KCND3: variants seen among roughly 807,000 people sequenced by gnomAD.
KCND3 encodes the protein potassium voltage-gated channel subfamily D member 3.
Under a neutral mutation model 51.1 loss-of-function variants are expected in KCND3, and 9 were observed. The ratio of observed to expected loss-of-function variants is 0.18; its 90% CI spans 0.11 to 0.31. The LOEUF is 0.31. KCND3 is among the 10% of genes least tolerant of loss of function. The pLI, the probability that KCND3 is intolerant of heterozygous loss-of-function variation, is 1.00. For synonymous variants in KCND3, 349 were observed against 368.0 expected (o/e 0.95, Z 0.59); for missense variants, 526 against 903.8 (o/e 0.58, Z 5.36).
At chr1:111,947,144 T>C (rs1366410647) in intron 2 of KCND3, among the ~76,000 whole-genome samples, 3 of 152,206 alleles carry the variant, frequency 2.0e-5, no homozygotes, top group African/African-American at 7.2e-5. Flanking sequence ...ACTGGTACCA[T>C]TTTATTAATT....
intron 2 of KCND3, among the ~76,000 whole-genome samples, chr1:111,957,987 C>G (rs1673424127): frequency 6.6e-6 from 1 of 152,100 alleles, no homozygotes. Context: ...TGGGGAGATC[C>G]TGGGCAGAGC....
At chr1:111,877,514 C>T (rs1341098368) in intron 2 of KCND3, among the ~76,000 whole-genome samples, 1 of 152,096 alleles carries the variant, frequency 6.6e-6, no homozygotes, top group East Asian at 1.9e-4. Flanking sequence ...GAGGAAGGCC[C>T]AGGAGAGACT....
At chr1:111,842,967 T>C (rs890149052) in intron 2 of KCND3, among the ~76,000 whole-genome samples, 3 of 152,222 alleles carry the variant, frequency 2.0e-5, no homozygotes, top group Non-Finnish European at 4.4e-5. Context: ...ATTTTTGGCA[T>C]GGTTAGCATC....
intron 2 of KCND3, among the ~76,000 whole-genome samples, chr1:111,939,322 T>C (rs1397388144): frequency 6.6e-6 from 1 of 152,198 alleles, no homozygotes; most frequent in Admixed American, 6.5e-5. Flanking sequence ...GGTGGTTTGC[T>C]GCACCCATCA....
intron 2 of KCND3, among the ~76,000 whole-genome samples, chr1:111,808,939 G>A (rs1665704974): frequency 6.6e-6 from 1 of 152,226 alleles, no homozygotes; most frequent in Non-Finnish European, 1.5e-5. Flanking sequence ...CAAGAGGGAG[G>A]GGACACCCTG....
intron 2 of KCND3, among the ~76,000 whole-genome samples, chr1:111,971,452 C>T (rs1183396330): frequency 1.3e-5 from 2 of 152,188 alleles, no homozygotes; most frequent in East Asian, 3.9e-4. Flanking sequence ...TTCAGCAAAG[C>T]TGTTCATAGA....
intron 2 of KCND3, among the ~76,000 whole-genome samples, chr1:111,959,116 G>C (rs1004458350): frequency 6.6e-6 from 1 of 152,180 alleles, no homozygotes; most frequent in African/African-American, 2.4e-5. Context: ...GAGCTGGACT[G>C]TGTCCACTTG....
chr1:111,923,217 C>T (rs550456650), intron 2 of KCND3, among the ~76,000 whole-genome samples: 1 of 152,322 alleles, frequency 6.6e-6, no homozygotes, highest in South Asian at 2.1e-4. Flanking sequence ...CAGTGTGGGA[C>T]AGTGGAGAGG....
chr1:111,895,000 G>C (rs1435943030), intron 2 of KCND3, among the ~76,000 whole-genome samples: 1 of 149,444 alleles, frequency 6.7e-6, no homozygotes, highest in African/African-American at 2.5e-5. Context: ...GAGGACTCAG[G>C]GGGAGGGAAG....
chr1:111,829,144 G>A (rs918533084), intron 2 of KCND3, among the ~76,000 whole-genome samples: 1 of 152,218 alleles, frequency 6.6e-6, no homozygotes, highest in African/African-American at 2.4e-5. Context: ...ACAGAGTCAT[G>A]GTCACGAAAT....
At chr1:111,957,304 G>C (rs1048113907) in intron 2 of KCND3, among the ~76,000 whole-genome samples, 1 of 152,144 alleles carries the variant, frequency 6.6e-6, no homozygotes, top group Admixed American at 6.5e-5. Context: ...GTGATTTCTT[G>C]GTAACTGGTT....
intron 2 of KCND3, among the ~76,000 whole-genome samples, chr1:111,827,940 C>A (rs576782543): frequency 6.6e-6 from 1 of 152,146 alleles, no homozygotes; most frequent in East Asian, 1.9e-4. Flanking sequence ...AAGAGTGAGG[C>A]CCCTGGTCTC....
chr1:111,803,382 A>C (rs779275034), intron 2 of KCND3, among the ~76,000 whole-genome samples: 1 of 152,100 alleles, frequency 6.6e-6, no homozygotes, highest in African/African-American at 2.4e-5. Flanking sequence ...TCAGATCCCC[A>C]TGTCTTAGCT....
At chr1:111,966,338 A>G (rs1673983723) in intron 2 of KCND3, among the ~76,000 whole-genome samples, 1 of 152,224 alleles carries the variant, frequency 6.6e-6, no homozygotes, top group African/African-American at 2.4e-5. Flanking sequence ...GGAAAGGGCC[A>G]TTTACAGACC....
chr1:111,826,239 A>G (rs1317244909), intron 2 of KCND3, among the ~76,000 whole-genome samples: 2 of 152,162 alleles, frequency 1.3e-5, no homozygotes, highest in Non-Finnish European at 2.9e-5. Context: ...ATTTGCTGTA[A>G]ATATAGTTTT....
At chr1:111,894,802 C>G (rs1405366547) in intron 2 of KCND3, among the ~76,000 whole-genome samples, 2 of 152,170 alleles carry the variant, frequency 1.3e-5, no homozygotes, top group Non-Finnish European at 2.9e-5. Flanking sequence ...CCTGTGCCTG[C>G]CTGACCTTTC....
chr1:111,980,206 G>C (rs973916579), intron 2 of KCND3, among the ~76,000 whole-genome samples: 5 of 137,722 alleles, frequency 3.6e-5, no homozygotes, highest in African/African-American at 1.5e-4. Context: ...TTTGAAGAGT[G>C]TGTGTGTGTG....
chr1:111,847,960 T>C (rs1001695747), intron 2 of KCND3, among the ~76,000 whole-genome samples: 1 of 152,192 alleles, frequency 6.6e-6, no homozygotes, highest in Non-Finnish European at 1.5e-5. Context: ...AGCACCTGCC[T>C]AGGCCTCGCC....
chr1:111,803,546 G>A (rs948930172), intron 2 of KCND3, among the ~76,000 whole-genome samples: 8 of 152,154 alleles, frequency 5.3e-5, no homozygotes, highest in Non-Finnish European at 1.0e-4. Flanking sequence ...TCCTCACCCC[G>A]TCAGAGAAAC....
Sources: allele counts gnomAD v4.1 joint callset (sites outside exome capture counted in the v4.1 genomes callset), GRCh38; gene constraint gnomAD v4.1.1; transcripts MANE v1.5; gene names NCBI Gene and HGNC (gene_info 2026-07-23, HGNC 2026-07-21).